The following GALNT17 variants were observed in gnomAD, a reference collection of about 807,000 sequenced individuals.
The protein encoded by GALNT17 is polypeptide N-acetylgalactosaminyltransferase 17.
Under a neutral mutation model 63.7 loss-of-function variants are expected in GALNT17, and 29 were observed. The ratio of observed to expected loss-of-function variants is 0.46; its 90% CI spans 0.34 to 0.62. The LOEUF (loss-of-function observed/expected upper bound fraction) is 0.62. GALNT17 is among the 20% of genes least tolerant of loss of function. The probability of loss-of-function intolerance (pLI) is 0.01; values close to 1 mark genes in which losing one functional copy is unlikely to be tolerated. For synonymous variants in GALNT17, 305 were observed against 318.3 expected (o/e 0.96, Z 0.45); for missense variants, 603 against 799.6 (o/e 0.75, Z 2.97).
chr7:71,503,705 G>A (rs1301525495), intron 5 of GALNT17, among the ~76,000 whole-genome samples: 1 of 152,150 alleles, frequency 6.6e-6, no homozygotes, highest in African/African-American at 2.4e-5. Context: ...ATTGTCCAGG[G>A]GTAATTCTAC....
chr7:71,189,372 T>G (rs1261219635), intron 1 of GALNT17, among the ~76,000 whole-genome samples: 1 of 152,180 alleles, frequency 6.6e-6, no homozygotes, highest in African/African-American at 2.4e-5. Context: ...AATGGAATAA[T>G]ACATTGCTTC....
intron 2 of GALNT17, among the ~76,000 whole-genome samples, chr7:71,386,551 T>C (rs1792948283): frequency 6.6e-6 from 1 of 152,154 alleles, no homozygotes; most frequent in Non-Finnish European, 1.5e-5. Context: ...TCGGTGCACC[T>C]GTGACTGAGA....
intron 1 of GALNT17, among the ~76,000 whole-genome samples, chr7:71,261,203 T>C (rs1399716633): frequency 1.3e-5 from 2 of 151,854 alleles, no homozygotes; most frequent in Admixed American, 6.6e-5. Flanking sequence ...CGTCTGAGAG[T>C]CGCTGCTTGA....
intron 5 of GALNT17, among the ~76,000 whole-genome samples, chr7:71,431,071 T>A (rs1786853203): frequency 1.3e-5 from 2 of 152,116 alleles, no homozygotes; most frequent in African/African-American, 4.8e-5. Flanking sequence ...TTTTTGCCAT[T>A]GGAGTGGATG....
At chr7:71,296,663 G>A (rs1791085438) in intron 1 of GALNT17, among the ~76,000 whole-genome samples, 1 of 149,278 alleles carries the variant, frequency 6.7e-6, no homozygotes, top group East Asian at 2.0e-4. Context: ...ACACATACAT[G>A]CATACATATA....
chr7:71,538,886 G>A (rs1788843025), intron 5 of GALNT17, among the ~76,000 whole-genome samples: 1 of 151,742 alleles, frequency 6.6e-6, no homozygotes, highest in Non-Finnish European at 1.5e-5. Context: ...GGGAGGGAGG[G>A]AAAGAGGGAC....
chr7:71,679,157 T>C (rs890389372), intron 9 of GALNT17, among the ~76,000 whole-genome samples: 23 of 151,996 alleles, frequency 1.5e-4, no homozygotes, highest in African/African-American at 5.6e-4. Flanking sequence ...CAGAATCTAA[T>C]GCAGGTGGCT....
At chr7:71,621,826 C>T (rs10277067) in intron 6 of GALNT17, among the ~76,000 whole-genome samples, 12,745 of 152,208 alleles carry the variant, frequency 0.084, 670 homozygotes, top group African/African-American at 0.15. Flanking sequence ...AGATTGGTCA[C>T]ATACTGTGTC....
At chr7:71,612,055 G>C (rs1328808707) in intron 6 of GALNT17, among the ~76,000 whole-genome samples, 4 of 152,144 alleles carry the variant, frequency 2.6e-5, no homozygotes, top group Non-Finnish European at 5.9e-5. Flanking sequence ...AGATGTCTTT[G>C]TTCTTTTTGT....
chr7:71,701,619 A>G (rs1246024919), intron 9 of GALNT17, among the ~76,000 whole-genome samples: 1 of 151,686 alleles, frequency 6.6e-6, no homozygotes, highest in South Asian at 2.1e-4. Flanking sequence ...TATCAAAAAG[A>G]TGCCTGCACT....
At chr7:71,579,857 G>A (rs957001121) in intron 6 of GALNT17, among the ~76,000 whole-genome samples, 3 of 152,008 alleles carry the variant, frequency 2.0e-5, no homozygotes, top group Non-Finnish European at 4.4e-5. Context: ...TAGATAGGTA[G>A]GTAGGAAGAA....
At chr7:71,661,205 C>A (rs1052826651) in intron 6 of GALNT17, among the ~76,000 whole-genome samples, 18 of 152,168 alleles carry the variant, frequency 1.2e-4, no homozygotes, top group African/African-American at 3.9e-4. Context: ...GTCAGCTCTC[C>A]CAGGGCAGGA....
chr7:71,380,481 G>A (rs1046269105), intron 2 of GALNT17, among the ~76,000 whole-genome samples: 4 of 151,710 alleles, frequency 2.6e-5, no homozygotes, highest in Admixed American at 6.6e-5. Flanking sequence ...CACCACACCC[G>A]GCTAATTTTT....
chr7:71,152,118 C>A (rs1474908532), intron 1 of GALNT17, among the ~76,000 whole-genome samples: 1 of 152,072 alleles, frequency 6.6e-6, no homozygotes, highest in Non-Finnish European at 1.5e-5. Context: ...GCGTGCCTAC[C>A]CGTCTTCCTG....
At chr7:71,628,399 T>C (rs1289293154) in intron 6 of GALNT17, among the ~76,000 whole-genome samples, 2 of 152,092 alleles carry the variant, frequency 1.3e-5, no homozygotes, top group African/African-American at 4.8e-5. Flanking sequence ...CTTGGCTCAC[T>C]GCACCCTTTG....
At chr7:71,630,824 A>T (rs1005596578) in intron 6 of GALNT17, among the ~76,000 whole-genome samples, 1 of 152,260 alleles carries the variant, frequency 6.6e-6, no homozygotes, top group African/African-American at 2.4e-5. Flanking sequence ...TGAGGACCCA[A>T]GGGAGAAGTG....
chr7:71,185,431 C>T (rs1788831091), intron 1 of GALNT17, among the ~76,000 whole-genome samples: 1 of 151,508 alleles, frequency 6.6e-6, no homozygotes, highest in South Asian at 2.1e-4. Flanking sequence ...CTCCTGGGTC[C>T]AAGAAATCCT....
chr7:71,137,208 C>T (rs1176621194), intron 1 of GALNT17, among the ~76,000 whole-genome samples: 1 of 149,088 alleles, frequency 6.7e-6, no homozygotes, highest in African/African-American at 2.5e-5. Flanking sequence ...GGCGCGATCT[C>T]GGCTCACTGC....
chr7:71,333,466 C>T (rs535998460), intron 1 of GALNT17, among the ~76,000 whole-genome samples: 6 of 152,114 alleles, frequency 3.9e-5, no homozygotes, highest in Admixed American at 6.5e-5. Flanking sequence ...TTTTTGGGGA[C>T]GAATGTTTCC....
Sources: gnomAD v4.1 joint callset for allele counts (sites outside exome capture counted in the v4.1 genomes callset) on GRCh38, gnomAD v4.1.1 for gene constraint, MANE v1.5 for transcripts, NCBI Gene and HGNC (gene_info 2026-07-23, HGNC 2026-07-21) for gene names.